The following NAALADL2 variants were observed in gnomAD, a reference collection of about 807,000 sequenced individuals.
NAALADL2 encodes the protein inactive N-acetylated-alpha-linked acidic dipeptidase-like protein 2.
A neutral mutation model predicts 87.2 loss-of-function variants in NAALADL2; 76 were observed. That is an observed-to-expected ratio of 0.87 (90% CI 0.72 to 1.05). The LOEUF (loss-of-function observed/expected upper bound fraction) is 1.05. Ranked by LOEUF, NAALADL2 falls within the 50% of genes least tolerant of loss-of-function variation. NAALADL2 has a pLI of 0.00. For missense variants in NAALADL2, 1,089 were observed against 945.8 expected, an observed-to-expected ratio of 1.15 and a Z score of -1.99; for synonymous variants, 354 against 331.0, an observed-to-expected ratio of 1.07 and a Z score of -0.75.
At chr3:175,691,504 T>TA (rs887001750) in intron 11 of NAALADL2, among the ~76,000 whole-genome samples, 3 of 151,904 alleles carry the variant, frequency 2.0e-5, no homozygotes, top group African/African-American at 7.2e-5. Flanking sequence ...TTACTGTTTG[T>TA]AATATTTTAT....
intron 2 of NAALADL2, chr3:174,692,172 GC>G (rs1490742287): frequency 2.0e-5 from 3 of 152,176 alleles, no homozygotes; most frequent in Non-Finnish European, 4.4e-5. Flanking sequence ...ATGTATGGCA[GC>G]TGTAACCTTA....
intron 5 of NAALADL2, among the ~76,000 whole-genome samples, chr3:175,435,688 T>A (rs947742090): frequency 6.6e-6 from 1 of 152,046 alleles, no homozygotes; most frequent in Non-Finnish European, 1.5e-5. Flanking sequence ...AATATAAATC[T>A]TGAGTTTATA....
At chr3:175,647,072 G>A (rs1383560498) in intron 11 of NAALADL2, among the ~76,000 whole-genome samples, 1 of 152,060 alleles carries the variant, frequency 6.6e-6, no homozygotes, top group East Asian at 1.9e-4. Context: ...GGACAAGGAT[G>A]CAGTGGTTCT....
chr3:175,694,116 T>A (rs1737419397), intron 11 of NAALADL2, among the ~76,000 whole-genome samples: 1 of 152,222 alleles, frequency 6.6e-6, no homozygotes, highest in African/African-American at 2.4e-5. Context: ...TGCATTAATT[T>A]GTTTTTATGG....
At chr3:175,599,983 T>C (rs911996643) in intron 10 of NAALADL2, among the ~76,000 whole-genome samples, 21 of 152,214 alleles carry the variant, frequency 1.4e-4, no homozygotes, top group Admixed American at 2.6e-4. Flanking sequence ...CCACAGTTCC[T>C]AATATTGAAA....
chr3:175,222,634 A>G lies in NAALADL2; in HGVS notation c.546-11297A>G, dbSNP rs138345738. ...ACATGAAATGGAGCAGTGGTTCTCA[A>G]CATTTTGGCCTCAGGACTCCTTTAC... On this transcript the variant is annotated intron_variant, in intron 2 of 13. Transcript: ENST00000454872. 8.7e-3 allele frequency among the ~76,000 whole-genome samples: 1,328 copies of G among 152,266 alleles called. 20 individuals are homozygous for G. Among genetic ancestry groups the G allele is most frequent in the African/African-American group, 0.03 (1,266 of 41,556 alleles).
intron 9 of NAALADL2, among the ~76,000 whole-genome samples, chr3:175,522,180 C>A (rs1251666773): frequency 5.3e-5 from 8 of 152,112 alleles, no homozygotes; most frequent in African/African-American, 1.9e-4. Flanking sequence ...GCTTTATTCT[C>A]TTCTAAGCAC....
At chr3:175,552,804 T>C (rs1714638421) in intron 9 of NAALADL2, among the ~76,000 whole-genome samples, 2 of 152,126 alleles carry the variant, frequency 1.3e-5, no homozygotes, top group African/African-American at 2.4e-5. Context: ...TTCAAGTATA[T>C]ACCTATGATA....
In NAALADL2 at chr3:175,227,579, T is replaced by C. The variant is rs566106973; in HGVS notation, c.546-6352T>C. 5.3e-5 allele frequency among the ~76,000 whole-genome samples: 8 copies of C among 152,194 alleles called. No individual in the cohort carries two copies. In the South Asian group the frequency reaches 1.7e-3, roughly 32 times the overall value. On this transcript the variant is annotated intron_variant, in intron 2 of 13. Coordinates refer to ENST00000454872, the MANE Select transcript of NAALADL2 (RefSeq NM_207015.3). The stretch of plus-strand genomic sequence containing the variant: ...GCAGTTAATTCTTTAATAGAATTTC[T>C]CATTTAATACAGCAAACTACCTAAT...
chr3:174,882,800 T>TGTATATATACACAC (rs1729546255), intron 1 of NAALADL2, among the ~76,000 whole-genome samples: 2 of 96,948 alleles, frequency 2.1e-5, no homozygotes, highest in Non-Finnish European at 3.8e-5. Context: ...TATATACACG[T>TGTATATATACACAC]GTGTATATGT....
intron 1 of NAALADL2, among the ~76,000 whole-genome samples, chr3:174,498,775 C>T (rs1718708537): frequency 6.6e-6 from 1 of 151,864 alleles, no homozygotes; most frequent in Admixed American, 6.6e-5. Flanking sequence ...TTATATTTAG[C>T]TATTCTAATA....
At chr3:174,908,607 T>A (rs1733274269) in intron 1 of NAALADL2, among the ~76,000 whole-genome samples, 1 of 152,084 alleles carries the variant, frequency 6.6e-6, no homozygotes, top group African/African-American at 2.4e-5. Flanking sequence ...TCTAATAAGA[T>A]CTTAGTATTC....
At chr3:175,175,138 T>G (rs1735525062) in intron 2 of NAALADL2, among the ~76,000 whole-genome samples, 1 of 152,040 alleles carries the variant, frequency 6.6e-6, no homozygotes, top group African/African-American at 2.4e-5. Flanking sequence ...TGGGGTAGAA[T>G]GCAATGTAAT....
At chr3:174,779,737 C>T (rs1715698427) in intron 3 of NAALADL2, among the ~76,000 whole-genome samples, 1 of 152,128 alleles carries the variant, frequency 6.6e-6, no homozygotes, top group Non-Finnish European at 1.5e-5. Context: ...AAAATCCTTT[C>T]CCCATTGCTT....
intron 1 of NAALADL2, among the ~76,000 whole-genome samples, chr3:174,475,163 TA>T (rs1163110193): frequency 3.3e-5 from 5 of 150,094 alleles, no homozygotes; most frequent in Non-Finnish European, 5.9e-5. Context: ...ACTGGTAAAT[TA>T]GAAAAAAAAA....
At chr3:175,438,514 A>G (rs949485122) in intron 5 of NAALADL2, among the ~76,000 whole-genome samples, 2 of 152,140 alleles carry the variant, frequency 1.3e-5, no homozygotes, top group South Asian at 2.1e-4. Context: ...AGTTTGTTCA[A>G]TTGATGTTTG....
At chr3:174,826,835 C>A (rs1722054708) in intron 3 of NAALADL2, among the ~76,000 whole-genome samples, 1 of 151,926 alleles carries the variant, frequency 6.6e-6, no homozygotes, top group Non-Finnish European at 1.5e-5. Flanking sequence ...GTTCAGATAC[C>A]CCTGCCTGAG....
chr3:174,977,223 G>A (rs1242961290), intron 1 of NAALADL2, among the ~76,000 whole-genome samples: 1 of 152,110 alleles, frequency 6.6e-6, no homozygotes, highest in Admixed American at 6.5e-5. Flanking sequence ...GGTGGTTTCC[G>A]GGGGCTGGAG....
At chr3:174,814,659 C>T (rs896409687) in intron 3 of NAALADL2, among the ~76,000 whole-genome samples, 1 of 151,910 alleles carries the variant, frequency 6.6e-6, no homozygotes, top group Non-Finnish European at 1.5e-5. Flanking sequence ...TTAATAATAT[C>T]AAATTTAAGT....
Sources: allele counts gnomAD v4.1 joint callset (sites outside exome capture counted in the v4.1 genomes callset), GRCh38; gene constraint gnomAD v4.1.1; transcripts MANE v1.5; gene names NCBI Gene and HGNC (gene_info 2026-07-23, HGNC 2026-07-21).